The following BPNT1 variants were observed in gnomAD, a reference collection of about 807,000 sequenced individuals.
The protein encoded by BPNT1 is 3'(2'), 5'-bisphosphate nucleotidase 1, also known as 3'(2'),5'-bisphosphate nucleotidase 1.
Under a neutral mutation model 36.9 loss-of-function variants are expected in BPNT1, and 28 were observed. The ratio of observed to expected loss-of-function variants is 0.76; its 90% confidence interval spans 0.56 to 1.04. The LOEUF (loss-of-function observed/expected upper bound fraction) is 1.04. Among genes scored for constraint, BPNT1 ranks in the 50% least tolerant of loss-of-function variants. The pLI is 0.00. For missense variants in BPNT1, 313 were observed against 372.9 expected, an observed-to-expected ratio of 0.84 and a Z score of 1.32; for synonymous variants, 119 against 130.9, an observed-to-expected ratio of 0.91 and a Z score of 0.62.
At chr1:220,072,803 C>G in intron 4 of BPNT1, 47 bp downstream of exon 4, 1 of 1,492,496 alleles carries the variant, frequency 6.7e-7, no homozygotes, top group Non-Finnish European at 9.3e-7. Flanking sequence ...TTTACTATGG[C>G]AAAAAGCCCA....
At chr1:220,060,804 G>C (rs1053253403) in intron 7 of BPNT1, among the ~76,000 whole-genome samples, 2 of 152,098 alleles carry the variant, frequency 1.3e-5, no homozygotes, top group African/African-American at 4.8e-5. Flanking sequence ...GTATTTTAGA[G>C]AGGCATGAGA....
intron 1 of BPNT1, among the ~76,000 whole-genome samples, chr1:220,082,621 C>T (rs956694520): frequency 5.3e-5 from 8 of 151,766 alleles, no homozygotes; most frequent in African/African-American, 1.7e-4. Flanking sequence ...TAGTCTCACT[C>T]TGTCACCCAG....
intron 4 of BPNT1, among the ~76,000 whole-genome samples, chr1:220,071,718 G>A (rs1401110439): frequency 6.6e-6 from 1 of 151,954 alleles, no homozygotes. Context: ...ACTAAGTTTT[G>A]CTCTTGTCAC....
chr1:220,081,517 T>C (rs1267886548), intron 1 of BPNT1, among the ~76,000 whole-genome samples: 1 of 151,538 alleles, frequency 6.6e-6, no homozygotes, highest in Non-Finnish European at 1.5e-5. Flanking sequence ...CACTCTAGCC[T>C]GGGCGATAGA....
chr1:220,079,670 G>A, intron 2 of BPNT1, 57 bp downstream of exon 2: 1 of 1,605,130 alleles, frequency 6.2e-7, no homozygotes, highest in Non-Finnish European at 8.5e-7. Context: ...ATATCATTTA[G>A]CTAAACCTCA....
At chr1:220,072,356 C>T (rs1438470446) in intron 4 of BPNT1, among the ~76,000 whole-genome samples, 6 of 150,716 alleles carry the variant, frequency 4.0e-5, no homozygotes, top group East Asian at 2.0e-4. Context: ...AGCGAGACTC[C>T]GTCTCAGAAA....
At chr1:220,079,701 A>G in intron 2 of BPNT1, 26 bp downstream of exon 2, 1 of 1,612,956 alleles carries the variant, frequency 6.2e-7, no homozygotes. Flanking sequence ...TCAAGTTGGT[A>G]TGAAATGATA....
intron 2 of BPNT1, 66 bp downstream of exon 2, chr1:220,079,661 T>C (rs2102739304): frequency 1.3e-6 from 2 of 1,593,154 alleles, no homozygotes; most frequent in Non-Finnish European, 8.6e-7. Flanking sequence ...CACATTTTTA[T>C]ATCATTTAGC....
rs1663176918 is a variant in BPNT1, at chr1:220,062,836, T to C, written c.593A>G (p.His198Arg). Residue 198 changes from histidine to arginine, a missense_variant, in exon 7 of 9, where the codon CAT (histidine) becomes CGT (arginine). His to Arg is a conservative substitution (Grantham distance 29). Coordinates refer to ENST00000322067, the MANE Select transcript of BPNT1 (RefSeq NM_006085.6). The stretch of plus-strand genomic sequence containing the variant: ...ACAGTCAGTAACCAACTTGTTGCTA[T>C]GGGATCGAGTAGTTGTGATAATGTG... ...GKHIITTTRS[H>R]SNKLVTDCVA... The C allele has an allele frequency of 2.5e-6, 4 of 1,614,038 alleles. No homozygotes were observed. The highest frequency in any genetic ancestry group is 1.7e-5 in the Admixed American group (1 of 59,996).
chr1:220,063,342 C>T (rs116650800), intron 6 of BPNT1, among the ~76,000 whole-genome samples: 2,437 of 152,012 alleles, frequency 0.016, 34 homozygotes, highest in Non-Finnish European at 0.026. Flanking sequence ...GGCAAGACTC[C>T]GTCTCAAAAA....
At chr1:220,073,299 T>TA (rs1314495815) in intron 3 of BPNT1, among the ~76,000 whole-genome samples, 8 of 152,102 alleles carry the variant, frequency 5.3e-5, no homozygotes, top group African/African-American at 1.7e-4. Flanking sequence ...TTTTTATTTT[T>TA]TTTTTTTGAG....
intron 6 of BPNT1, among the ~76,000 whole-genome samples, chr1:220,064,340 C>T (rs148407693): frequency 1.3e-5 from 2 of 152,200 alleles, no homozygotes; most frequent in East Asian, 3.9e-4. Flanking sequence ...ATACTTAGGT[C>T]GCAGGTTGGG....
At chr1:220,085,790 A>G (rs1655660345) in intron 1 of BPNT1, among the ~76,000 whole-genome samples, 2 of 152,234 alleles carry the variant, frequency 1.3e-5, no homozygotes, top group South Asian at 2.1e-4. Context: ...AAAAAGCTGT[A>G]TAACACTTAA....
At chr1:220,081,521 C>T (rs954633277) in intron 1 of BPNT1, among the ~76,000 whole-genome samples, 5 of 151,112 alleles carry the variant, frequency 3.3e-5, no homozygotes, top group African/African-American at 4.9e-5. Flanking sequence ...CTAGCCTGGG[C>T]GATAGAGCGA....
intron 1 of BPNT1, among the ~76,000 whole-genome samples, chr1:220,086,081 T>C (rs906869339): frequency 1.4e-4 from 22 of 152,148 alleles, no homozygotes; most frequent in African/African-American, 4.8e-4. Flanking sequence ...TGAACAGAGG[T>C]ACTCCCCTTA....
rs373842943 is a variant in BPNT1, at chr1:220,078,500, TTTATA to T, written c.120+1222_120+1226del. On this transcript the variant is annotated intron_variant, in intron 2 of 8. Transcript: ENST00000322067. ...TAATAAATAATAATTTATAATAAAT[TTTATA>T]TAATATAATTATATATAATTATATT... Among the ~76,000 whole-genome samples the T allele has an allele frequency of 8.2e-3, 1,157 of 141,200 alleles. 12 individuals are homozygous for T. Among genetic ancestry groups the T allele is most frequent in the Middle Eastern group, 0.015 (4 of 272 alleles). 92.6% of individuals were successfully genotyped at this position (141,200 alleles called of 152,430 possible).
intron 1 of BPNT1, among the ~76,000 whole-genome samples, chr1:220,087,041 C>T (rs1193916841): frequency 1.5e-5 from 2 of 134,958 alleles, no homozygotes; most frequent in Non-Finnish European, 3.1e-5. Context: ...AGCAAGACTC[C>T]GTCTCAAAAA....
intron 1 of BPNT1, among the ~76,000 whole-genome samples, chr1:220,087,112 T>C (rs1168608365): frequency 6.6e-6 from 1 of 151,796 alleles, no homozygotes; most frequent in Non-Finnish European, 1.5e-5. Flanking sequence ...TAAATACATT[T>C]TGATATAAAT....
chr1:220,069,429 C>A lies in BPNT1; in HGVS notation c.337G>T (p.Val113Leu), dbSNP rs564542643. 2 of 1,598,878 alleles carry A rather than the reference C, an allele frequency of 1.3e-6. No individual in the cohort carries two copies. Among genetic ancestry groups the A allele is most frequent in the Admixed American group, 3.5e-5 (2 of 57,538 alleles). ...QYSAIKEEDL[V>L]VWVDPLDGTK... ...CCATCCAGAGGATCAACCCAGACCA[C>A]GAGCTAAAATTAAAAAGAGAGAAGG... The change falls in exon 5 of 9, where the codon GTG becomes TTG. Residue 113 changes from valine (V) to leucine (L), a missense_variant. Coordinates refer to ENST00000322067, the MANE Select transcript of BPNT1 (RefSeq NM_006085.6).
Sources: gnomAD v4.1 joint callset for allele counts (sites outside exome capture counted in the v4.1 genomes callset) on GRCh38, gnomAD v4.1.1 for gene constraint, MANE v1.5 for transcripts, NCBI Gene and HGNC (gene_info 2026-07-23, HGNC 2026-07-21) for gene names.